Variants in GPC5 observed in about 807,000 individuals in gnomAD.
The protein encoded by GPC5 is glypican 5.
In GPC5, 47 loss-of-function variants were observed where a neutral mutation model predicts 53.9. The ratio of observed to expected loss-of-function variants is 0.87; its 90% CI spans 0.69 to 1.11. The LOEUF (loss-of-function observed/expected upper bound fraction) is 1.11. Among genes scored for constraint, GPC5 ranks in the 50% most tolerant of loss-of-function variants. The pLI, the probability that GPC5 is intolerant of heterozygous loss-of-function variation, is 0.00. For synonymous variants in GPC5, 286 were observed against 263.3 expected, an observed-to-expected ratio of 1.09 and a Z score of -0.84; for missense variants, 748 against 713.1, an observed-to-expected ratio of 1.05 and a Z score of -0.56.
At chr13:92,108,379 A>G (rs1313469270) in intron 6 of GPC5, among the ~76,000 whole-genome samples, 1 of 152,200 alleles carries the variant, frequency 6.6e-6, no homozygotes, top group African/African-American at 2.4e-5. Flanking sequence ...ATGCATTATT[A>G]TCTTTCCCAT....
intron 6 of GPC5, among the ~76,000 whole-genome samples, chr13:92,142,756 G>T (rs376258421): frequency 6.6e-6 from 1 of 152,088 alleles, no homozygotes; most frequent in African/African-American, 2.4e-5. Flanking sequence ...TTCTTGCCAC[G>T]ATCCCAGTAA....
intron 7 of GPC5, among the ~76,000 whole-genome samples, chr13:92,280,556 T>C (rs1320371208): frequency 6.6e-6 from 1 of 152,198 alleles, no homozygotes; most frequent in African/African-American, 2.4e-5. Context: ...GTTTCCATTT[T>C]TATTTATCTC....
intron 3 of GPC5, among the ~76,000 whole-genome samples, chr13:91,698,877 T>C (rs2035937429): frequency 6.6e-6 from 1 of 152,122 alleles, no homozygotes; most frequent in Non-Finnish European, 1.5e-5. Flanking sequence ...ACTTTCACAA[T>C]AATAAGAAGG....
chr13:91,839,995 A>G (rs2038766505), intron 5 of GPC5, among the ~76,000 whole-genome samples: 1 of 151,884 alleles, frequency 6.6e-6, no homozygotes, highest in Non-Finnish European at 1.5e-5. Context: ...ATGAGGAATT[A>G]GTCACAATTC....
intron 2 of GPC5, among the ~76,000 whole-genome samples, chr13:91,675,322 A>G (rs1423842497): frequency 6.6e-6 from 1 of 152,218 alleles, no homozygotes; most frequent in Non-Finnish European, 1.5e-5. Flanking sequence ...ATTCTCCATG[A>G]TTCTGACTGA....
chr13:92,589,005 G>A (rs547298333), intron 7 of GPC5, among the ~76,000 whole-genome samples: 1 of 152,240 alleles, frequency 6.6e-6, no homozygotes, highest in South Asian at 2.1e-4. Flanking sequence ...AGTTGAGGGG[G>A]GTGCTTTCCA....
intron 6 of GPC5, among the ~76,000 whole-genome samples, chr13:91,926,689 G>GGAGTGGGGAATTATATC (rs1188518082): frequency 6.6e-6 from 1 of 152,200 alleles, no homozygotes; most frequent in Non-Finnish European, 1.5e-5. Context: ...TCGAAGTCAA[G>GGAGTGGGGAATTATATC]GAGTGGGGAA....
chr13:92,349,965 C>T (rs897832831), intron 7 of GPC5, among the ~76,000 whole-genome samples: 40 of 152,088 alleles, frequency 2.6e-4, no homozygotes, highest in African/African-American at 8.5e-4. Context: ...CCTTGATGAA[C>T]ATAGACATAA....
At chr13:91,493,223 C>T (rs1884037216) in intron 2 of GPC5, among the ~76,000 whole-genome samples, 1 of 152,134 alleles carries the variant, frequency 6.6e-6, no homozygotes, top group African/African-American at 2.4e-5. Flanking sequence ...TTTGTGGGTA[C>T]ATACTAGGTG....
intron 5 of GPC5, among the ~76,000 whole-genome samples, chr13:91,904,977 A>G (rs999087448): frequency 5.9e-5 from 9 of 152,194 alleles, no homozygotes; most frequent in African/African-American, 2.2e-4. Context: ...GGGCAAATGC[A>G]GAAACAGATT....
At chr13:91,653,548 A>C (rs2034770116) in intron 2 of GPC5, among the ~76,000 whole-genome samples, 1 of 152,196 alleles carries the variant, frequency 6.6e-6, no homozygotes, top group Non-Finnish European at 1.5e-5. Flanking sequence ...TGTAACTCAA[A>C]AGATAAATGC....
intron 7 of GPC5, among the ~76,000 whole-genome samples, chr13:92,401,520 G>T (rs547192338): frequency 2.0e-5 from 3 of 151,856 alleles, no homozygotes; most frequent in Admixed American, 1.3e-4. Context: ...TATAAAATTC[G>T]TAAAAATAGA....
At chr13:92,606,859 G>T (rs1007506872) in intron 7 of GPC5, among the ~76,000 whole-genome samples, 2 of 151,932 alleles carry the variant, frequency 1.3e-5, no homozygotes, top group Admixed American at 1.3e-4. Flanking sequence ...CTGGTAGTAC[G>T]GTACAATGTA....
intron 4 of GPC5, among the ~76,000 whole-genome samples, chr13:91,749,097 G>A (rs530231840): frequency 6.6e-6 from 1 of 152,224 alleles, no homozygotes; most frequent in South Asian, 2.1e-4. Flanking sequence ...GATATGTTGT[G>A]TAGTAGTGAA....
intron 7 of GPC5, among the ~76,000 whole-genome samples, chr13:92,751,302 T>TAAAAAAA (rs1566400471): frequency 0.011 from 373 of 34,368 alleles, 49 homozygotes; most frequent in East Asian, 0.052. Flanking sequence ...CCAGAAACAT[T>TAAAAAAA]TAAAAAAAAA....
chr13:92,547,592 A>T (rs1395842311), intron 7 of GPC5, among the ~76,000 whole-genome samples: 3 of 152,278 alleles, frequency 2.0e-5, no homozygotes, highest in Admixed American at 2.0e-4. Flanking sequence ...GACTGGATAC[A>T]TTAATTATGC....
intron 4 of GPC5, among the ~76,000 whole-genome samples, chr13:91,749,749 T>C (rs1199828387): frequency 1.3e-5 from 2 of 152,242 alleles, no homozygotes; most frequent in Non-Finnish European, 2.9e-5. Context: ...CCTGCATCTG[T>C]TATTTTTTGA....
chr13:91,852,372 C>A (rs1021563013), intron 5 of GPC5, among the ~76,000 whole-genome samples: 8 of 151,988 alleles, frequency 5.3e-5, no homozygotes, highest in Non-Finnish European at 1.2e-4. Context: ...GTCGTCAGGG[C>A]AAATGACATG....
At chr13:92,416,748 G>A (rs924847734) in intron 7 of GPC5, among the ~76,000 whole-genome samples, 1 of 152,154 alleles carries the variant, frequency 6.6e-6, no homozygotes, top group Non-Finnish European at 1.5e-5. Flanking sequence ...CAAAAAGTTT[G>A]TGCTTCAAAG....
Sources: gnomAD v4.1 joint callset for allele counts (sites outside exome capture counted in the v4.1 genomes callset) on GRCh38, gnomAD v4.1.1 for gene constraint, MANE v1.5 for transcripts, NCBI Gene and HGNC (gene_info 2026-07-23, HGNC 2026-07-21) for gene names.